ZNF471: variants seen among roughly 807,000 people sequenced by gnomAD.
ZNF471 encodes EZFIT-related protein 1.
Under a neutral mutation model 13.7 loss-of-function variants are expected in ZNF471, and 7 were observed. That is an observed-to-expected ratio of 0.51 (90% CI 0.29 to 0.96). The LOEUF is 0.96. Ranked by LOEUF, ZNF471 falls within the 40% of genes least tolerant of loss-of-function variation. The pLI is 0.08. For synonymous variants in ZNF471, 218 were observed against 235.6 expected, an observed-to-expected ratio of 0.93 and a Z score of 0.68; for missense variants, 663 against 743.3, an observed-to-expected ratio of 0.89 and a Z score of 1.26.
At chr19:56,518,924 A>G (rs1190530827) in intron 4 of ZNF471, among the ~76,000 whole-genome samples, 1 of 152,198 alleles carries the variant, frequency 6.6e-6, no homozygotes, top group Non-Finnish European at 1.5e-5. Flanking sequence ...TAACTCTTGA[A>G]TTAGGTACTG....
In ZNF471 at chr19:56,529,045, A is replaced by G. The variant is rs931228370; in HGVS notation, c.*3097A>G. 3 of 152,242 alleles carry G rather than the reference A, an allele frequency of 2.0e-5. No homozygotes were observed. Among genetic ancestry groups the G allele is most frequent in the African/African-American group, 2.4e-5 (1 of 41,472 alleles). 9.4% of individuals were successfully genotyped at this position (152,242 alleles called of 1,614,324 possible). A position where few individuals can be genotyped will look rare whatever the true frequency, so the allele number is the denominator to read the frequency against. On this transcript the variant is annotated 3_prime_UTR_variant, in exon 5 of 5. Coordinates refer to ENST00000308031, the MANE Select transcript of ZNF471 (RefSeq NM_020813.4). ...ACTTAGTTATATACAAAAGGAAATT[A>G]TTAGCCTCTGCTGATGGAGAACAGA...
rs961981213 is a variant in ZNF471 at position 56,510,819 on chromosome 19, G to A, written c.-55-698G>A. ...AATAGAATTCCTGTCCCCAGTCCAA[G>A]GGTTTCAGTAAGAAGCAAAGCTGGG... is the stretch of plus-strand genomic sequence containing the variant. On this transcript the variant is annotated intron_variant, in intron 1 of 4. Transcript: ENST00000308031. This position sits in a 1 kb window ranked among gnomAD's most constrained non-coding sequence, Gnocchi z 4.3. The A allele has an allele frequency of 2.4e-5, 24 of 985,328 alleles. No individual in the cohort carries two copies. Among genetic ancestry groups the A allele is most frequent in the Non-Finnish European group, 2.8e-5 (23 of 829,978 alleles). 61.0% of individuals were successfully genotyped at this position (985,328 alleles called of 1,614,324 possible).
chr19:56,518,878 A>T (rs999404626), intron 4 of ZNF471, among the ~76,000 whole-genome samples: 3 of 152,078 alleles, frequency 2.0e-5, no homozygotes, highest in Admixed American at 1.3e-4. Flanking sequence ...TGCCATACAG[A>T]CTTATATAAA....
chr19:56,516,038 C>A lies in ZNF471; in HGVS notation c.34-237C>A, dbSNP rs575963178. Among the ~76,000 whole-genome samples the A allele has an allele frequency of 6.6e-6, 1 of 152,164 alleles. No homozygotes were observed. On this transcript the variant is annotated intron_variant, in intron 2 of 4. Coordinates refer to ENST00000308031, the MANE Select transcript of ZNF471 (RefSeq NM_020813.4). This position sits in a 1 kb window ranked among gnomAD's most constrained non-coding sequence, Gnocchi z 4.4. ...ACAGGTGTGTGTTCTCCCTTGAAGC[C>A]GTCTTCACTGCCTTGTAGTTATGCA...
Position 56,516,207 on chromosome 19 carries a change from T to A in ZNF471, c.34-68T>A, listed in dbSNP as rs562002367. Reference sequence around the variant, plus strand: ...TATTTCTCACCTAAAGTAGAGACACTTTGGATCAACTCAGAGTTATCTTTG... The same window carrying A: ...TATTTCTCACCTAAAGTAGAGACACATTGGATCAACTCAGAGTTATCTTTG... On this transcript the variant is annotated intron_variant, in intron 2 of 4. Transcript: ENST00000308031. This position sits in a 1 kb window ranked among gnomAD's most constrained non-coding sequence, Gnocchi z 4.4. 5.2e-6 allele frequency: 8 copies of A among 1,536,016 alleles called. No individual in the cohort carries two copies. In the Admixed American group the frequency reaches 7.1e-5, roughly 14 times the overall value.
rs777193731 is a variant in ZNF471, at chr19:56,516,274, G to C, written c.34-1G>C. 3.7e-6 allele frequency: 6 copies of C among 1,613,060 alleles called. No homozygotes were observed. The highest frequency in any genetic ancestry group is 5.1e-6 in the Non-Finnish European group (6 of 1,179,366). ...GGTTAAGAATATATTTGTCACTTCAGGACTTAGTGACATTCAAGGATGTGG... is the reference window on the plus strand; with the variant it reads ...GGTTAAGAATATATTTGTCACTTCACGACTTAGTGACATTCAAGGATGTGG... On this transcript the variant is annotated splice_acceptor_variant, in intron 2 of 4. Transcript: ENST00000308031. LOFTEE classifies it high-confidence loss of function. The surrounding 1 kb of genome is among the most constrained non-coding windows in gnomAD (Gnocchi z 4.4).
chr19:56,527,255 A>G lies in ZNF471; in HGVS notation c.*1307A>G, dbSNP rs1311827128. 1 of 153,060 alleles carries G rather than the reference A, an allele frequency of 6.5e-6. No individual in the cohort carries two copies. Among genetic ancestry groups the G allele is most frequent in the Non-Finnish European group, 1.5e-5 (1 of 68,726 alleles). The allele number at this position is 153,060 out of a possible 1,614,324, so 9.5% of individuals were successfully genotyped here. A position where few individuals can be genotyped will look rare whatever the true frequency, so the allele number is the denominator to read the frequency against. ...GCAGCCGAGGGGCCTCACTGTTAGA[A>G]GGAAAACTAACAGGAATATAATCAA... On this transcript the variant is annotated 3_prime_UTR_variant, in exon 5 of 5. Transcript: ENST00000308031.
At chr19:56,517,073 C>A (rs1302823953) in intron 3 of ZNF471, among the ~76,000 whole-genome samples, 2 of 150,774 alleles carry the variant, frequency 1.3e-5, no homozygotes, top group African/African-American at 4.9e-5. Flanking sequence ...ATATTGTGCC[C>A]TAGGTAACTA....
chr19:56,525,953 G>A lies in ZNF471; in HGVS notation c.*5G>A, dbSNP rs2044041684. The A allele has an allele frequency of 6.5e-7, 1 of 1,542,676 alleles. No individual in the cohort carries two copies. The highest frequency in any genetic ancestry group is 1.4e-5 in the African/African-American group (1 of 72,432). Reference sequence around the variant, plus strand: ...CATACTGGAGAAGAACCTTAAGAATGTAGTGCATGTGGCCAAGCCTTTAGT... The same window carrying A: ...CATACTGGAGAAGAACCTTAAGAATATAGTGCATGTGGCCAAGCCTTTAGT... On this transcript the variant is annotated 3_prime_UTR_variant, in exon 5 of 5. Transcript: ENST00000308031.
In ZNF471 at chr19:56,522,761, A is replaced by C. The variant is rs2043990341; in HGVS notation, c.257-1563A>C. 7.1e-6 allele frequency among the ~76,000 whole-genome samples: 1 copy of C among 141,382 alleles called. No homozygotes were observed. The highest frequency in any genetic ancestry group is 1.5e-5 in the Non-Finnish European group (1 of 65,420). The allele number at this position is 141,382 out of a possible 152,430, so 92.8% of individuals were successfully genotyped here. On this transcript the variant is annotated intron_variant, in intron 4 of 4. Transcript: ENST00000308031. This position sits in a 1 kb window ranked among gnomAD's most constrained non-coding sequence, Gnocchi z 4.1. ...TTTTCTTTTTTTTTTTTTGAGATGGAGTTTCATTCTTGTCACCCAGGCTGG... is the reference window on the plus strand; with the variant it reads ...TTTTCTTTTTTTTTTTTTGAGATGGCGTTTCATTCTTGTCACCCAGGCTGG...
Position 56,510,722 on chromosome 19 carries a change from A to C in ZNF471, c.-55-795A>C. On this transcript the variant is annotated intron_variant, in intron 1 of 4. Transcript: ENST00000308031. This position sits in a 1 kb window ranked among gnomAD's most constrained non-coding sequence, Gnocchi z 4.3. ...TGCTGTGTATGGAGAGACTACTTGG[A>C]AGATTGATAGGATTGGATTCTTTAT... The C allele has an allele frequency of 1.0e-6, 1 of 985,392 alleles. No homozygotes were observed. Among genetic ancestry groups the C allele is most frequent in the Non-Finnish European group, 1.2e-6 (1 of 829,932 alleles). 61.0% of individuals were successfully genotyped at this position (985,392 alleles called of 1,614,324 possible).
Position 56,508,384 on chromosome 19 carries a change from CAGTG to C in ZNF471, c.-56+467_-56+470del, listed in dbSNP as rs1443547720. Among the ~76,000 whole-genome samples the C allele has an allele frequency of 4.0e-5, 6 of 150,452 alleles. No homozygotes were observed. The highest frequency in any genetic ancestry group is 2.0e-4 in the East Asian group (1 of 4,982). On this transcript the variant is annotated intron_variant, in intron 1 of 4. Transcript: ENST00000308031. This position sits in a 1 kb window ranked among gnomAD's most constrained non-coding sequence, Gnocchi z 4.7. ...CATTTGAAAGAGAGCGTGTGAAGCT[CAGTG>C]AGAGGTTGCGAGGTGTGTGGGTGTG...
Position 56,530,170 on chromosome 19 carries a change from T to C in ZNF471, c.*4222T>C, listed in dbSNP as rs2044091325. 1.3e-5 allele frequency: 2 copies of C among 152,240 alleles called. No individual in the cohort carries two copies. The highest frequency in any genetic ancestry group is 2.9e-5 in the Non-Finnish European group (2 of 68,042). The allele number at this position is 152,240 out of a possible 1,614,324, so 9.4% of individuals were successfully genotyped here. A position where few individuals can be genotyped will look rare whatever the true frequency, so the allele number is the denominator to read the frequency against. On this transcript the variant is annotated 3_prime_UTR_variant, in exon 5 of 5. Coordinates refer to ENST00000308031, the MANE Select transcript of ZNF471 (RefSeq NM_020813.4). Reference sequence around the variant, plus strand: ...AGATGTAACTTCATGACTAACATGATGACATCGTTATTAACTACATAAACT... The same window carrying C: ...AGATGTAACTTCATGACTAACATGACGACATCGTTATTAACTACATAAACT...
At chr19:56,512,190 T>G (rs1007530680) in intron 2 of ZNF471, among the ~76,000 whole-genome samples, 1 of 104,160 alleles carries the variant, frequency 9.6e-6, no homozygotes, top group Admixed American at 8.5e-5. Context: ...TAACTCCCAG[T>G]TATTTTAAGA....
In ZNF471 at chr19:56,510,841, TG is replaced by T; in HGVS notation, c.-55-672del. 1.0e-6 allele frequency: 1 copy of T among 985,426 alleles called. No individual in the cohort carries two copies. Among genetic ancestry groups the T allele is most frequent in the Non-Finnish European group, 1.2e-6 (1 of 829,946 alleles). 61.0% of individuals were successfully genotyped at this position (985,426 alleles called of 1,614,324 possible). ...CAAGGGTTTCAGTAAGAAGCAAAGCTGGGGTGACTGAAGCTCCTAACTGAAG... is the reference window on the plus strand; with the variant it reads ...CAAGGGTTTCAGTAAGAAGCAAAGCTGGGTGACTGAAGCTCCTAACTGAAG... On this transcript the variant is annotated intron_variant, in intron 1 of 4. Transcript: ENST00000308031. The surrounding 1 kb of genome is among the most constrained non-coding windows in gnomAD (Gnocchi z 4.3).
At position 56,508,717 on chromosome 19, in the gene ZNF471, C is replaced by T. The variant is rs1307413083; in HGVS notation, c.-56+797C>T. On this transcript the variant is annotated intron_variant, in intron 1 of 4. Coordinates refer to ENST00000308031, the MANE Select transcript of ZNF471 (RefSeq NM_020813.4). The surrounding 1 kb of genome is among the most constrained non-coding windows in gnomAD (Gnocchi z 4.7). Reference sequence around the variant, plus strand: ...AAATGGGTGTTTTGGGTGAAAGACCCGTCAGTGTGTGAGGCCGTGTTATGT... The same window carrying T: ...AAATGGGTGTTTTGGGTGAAAGACCTGTCAGTGTGTGAGGCCGTGTTATGT... 1.3e-5 allele frequency among the ~76,000 whole-genome samples: 2 copies of T among 151,148 alleles called. No homozygotes were observed. Among genetic ancestry groups the T allele is most frequent in the African/African-American group, 2.4e-5 (1 of 41,054 alleles).
rs1329256121 is a variant in ZNF471, at chr19:56,508,125, G to A, written c.-56+205G>A. The A allele has an allele frequency of 1.0e-6, 1 of 985,248 alleles. No homozygotes were observed. Among genetic ancestry groups the A allele is most frequent in the Non-Finnish European group, 1.2e-6 (1 of 829,858 alleles). The allele number at this position is 985,248 out of a possible 1,614,324, so 61.0% of individuals were successfully genotyped here. ...TCGGGGCTGCTGGGCGTTCGGGGCG[G>A]CTTGGGGCGGCGGGACCACTGGAGT... is the stretch of plus-strand genomic sequence containing the variant. On this transcript the variant is annotated intron_variant, in intron 1 of 4. Transcript: ENST00000308031. This position sits in a 1 kb window ranked among gnomAD's most constrained non-coding sequence, Gnocchi z 4.7.
Position 56,508,229 on chromosome 19 carries a change from C to CTCTGTG in ZNF471, c.-56+310_-56+311insCTGTGT. The CTCTGTG allele has an allele frequency of 1.2e-6, 1 of 804,620 alleles. No individual in the cohort carries two copies. Among genetic ancestry groups the CTCTGTG allele is most frequent in the Non-Finnish European group, 1.5e-6 (1 of 671,894 alleles). The allele number at this position is 804,620 out of a possible 1,614,324, so 49.8% of individuals were successfully genotyped here. ...GAGGCTCCGTGAGAGGGTGTGGTTTCTGTGTGTGTGTGTGTGTGTGTGTGA... is the reference window on the plus strand; with the variant it reads ...GAGGCTCCGTGAGAGGGTGTGGTTTCTCTGTGTGTGTGTGTGTGTGTGTGTGTGTGA... On this transcript the variant is annotated intron_variant, in intron 1 of 4. Coordinates refer to ENST00000308031, the MANE Select transcript of ZNF471 (RefSeq NM_020813.4). This position sits in a 1 kb window ranked among gnomAD's most constrained non-coding sequence, Gnocchi z 4.7.
Position 56,524,606 on chromosome 19 carries a change from A to C in ZNF471, c.539A>C (p.His180Pro). 6.3e-7 allele frequency: 1 copy of C among 1,591,080 alleles called. No homozygotes were observed. Among genetic ancestry groups the C allele is most frequent in the South Asian group, 1.2e-5 (1 of 85,762 alleles). Reference sequence around the variant, plus strand: ...AACATAGAAGAGAGTATTTATAATCACACATCAGATAAAAAAAGCTTCTCC... The same window carrying C: ...AACATAGAAGAGAGTATTTATAATCCCACATCAGATAAAAAAAGCTTCTCC... ...LENIEESIYN[H>P]TSDKKSFSKN... Residue 180 changes from histidine (H) to proline (P), a missense_variant, in exon 5 of 5, where the codon CAC (histidine) becomes CCC (proline). By Grantham distance (77) the His-to-Pro change is moderately conservative. Transcript: ENST00000308031. The surrounding 1 kb of genome is among the most constrained non-coding windows in gnomAD (Gnocchi z 4.8).
Sources: allele counts gnomAD v4.1 joint callset (sites outside exome capture counted in the v4.1 genomes callset), GRCh38; gene constraint gnomAD v4.1.1; non-coding constraint Gnocchi (gnomAD v3.1); transcripts MANE v1.5; gene names NCBI Gene and HGNC (gene_info 2026-07-23, HGNC 2026-07-21).